The following FAM47E variants were observed in gnomAD, a reference collection of about 807,000 sequenced individuals.
FAM47E encodes the protein protein FAM47E.
A neutral mutation model predicts 41.6 loss-of-function variants in FAM47E; 32 were observed. The ratio of observed to expected loss-of-function variants is 0.77; its 90% CI spans 0.58 to 1.03. The LOEUF (loss-of-function observed/expected upper bound fraction) is 1.03, where lower values mean the gene tolerates loss of function less well. Ranked by LOEUF, FAM47E falls within the 50% of genes least tolerant of loss-of-function variation. The probability of loss-of-function intolerance (pLI) is 0.00; values close to 1 mark genes in which losing one functional copy is unlikely to be tolerated. For synonymous variants in FAM47E, 184 were observed against 188.7 expected (o/e 0.98, Z 0.20); for missense variants, 424 against 485.4 (o/e 0.87, Z 1.19).
chr4:76,222,555 ACT>A (rs1389557400), intron 2 of FAM47E, among the ~76,000 whole-genome samples: 1 of 150,798 alleles, frequency 6.6e-6, no homozygotes, highest in Non-Finnish European at 1.5e-5. Flanking sequence ...TTAGTCCTTA[ACT>A]CTCCGCTGCC....
chr4:76,255,985 A>G (rs1734173164), intron 1 of FAM47E, among the ~76,000 whole-genome samples, 193 bp from the exon 2 acceptor site: 1 of 152,090 alleles, frequency 6.6e-6, no homozygotes, highest in Non-Finnish European at 1.5e-5. Flanking sequence ...CTTTGTACGG[A>G]GCAGCAATTC....
intron 2 of FAM47E, among the ~76,000 whole-genome samples, chr4:76,258,793 T>A (rs900681555): frequency 9.9e-5 from 15 of 152,192 alleles, no homozygotes; most frequent in African/African-American, 3.6e-4. Flanking sequence ...GGGATTAGTG[T>A]GTTTTTGGTT....
intron 5 of FAM47E, among the ~76,000 whole-genome samples, chr4:76,272,338 A>G (rs1734926849): frequency 6.6e-6 from 1 of 152,228 alleles, no homozygotes; most frequent in Non-Finnish European, 1.5e-5. Flanking sequence ...ACAGTGTGTC[A>G]CTGCAAATAT....
chr4:76,248,374 C>T (rs1421207855), upstream of FAM47E, among the ~76,000 whole-genome samples: 1 of 151,882 alleles, frequency 6.6e-6, no homozygotes, highest in Non-Finnish European at 1.5e-5. Flanking sequence ...ATGTTTTATT[C>T]TAAGAAGTTT....
intron 5 of FAM47E, among the ~76,000 whole-genome samples, chr4:76,277,090 C>G (rs1220364500): frequency 6.6e-6 from 1 of 152,112 alleles, no homozygotes; most frequent in African/African-American, 2.4e-5. Flanking sequence ...GTCTATGAAC[C>G]AACAACAGGT....
upstream of FAM47E, among the ~76,000 whole-genome samples, chr4:76,251,509 C>G (rs1578770355): frequency 6.6e-6 from 1 of 152,300 alleles, no homozygotes; most frequent in Non-Finnish European, 1.5e-5. Context: ...GATGAACACG[C>G]CTTCCCAGCA....
intron 2 of FAM47E, among the ~76,000 whole-genome samples, chr4:76,226,860 T>C (rs965668791): frequency 6.6e-6 from 1 of 152,214 alleles, no homozygotes; most frequent in African/African-American, 2.4e-5. Flanking sequence ...TCTGTGATAT[T>C]GGTTGTAATA....
At chr4:76,268,477 G>C (rs577794075) in intron 3 of FAM47E, 183 bp from the exon 4 acceptor site, 1 of 573,428 alleles carries the variant, frequency 1.7e-6, no homozygotes, top group Admixed American at 3.6e-5. Context: ...TGATATACTT[G>C]TCTTTATGAT....
intron 2 of FAM47E, among the ~76,000 whole-genome samples, chr4:76,236,905 T>C (rs1733597063): frequency 6.6e-6 from 1 of 150,560 alleles, no homozygotes; most frequent in African/African-American, 2.4e-5. Context: ...TTCTTTTTTT[T>C]TTTTTTTTGA....
chr4:76,214,262 G>A (rs1408210972), exon 1 of FAM47E: 1 of 455,604 alleles, frequency 2.2e-6, no homozygotes, highest in Non-Finnish European at 4.4e-6. Flanking sequence ...TCTACCAGGT[G>A]CCTGCTGAGA....
chr4:76,233,310 A>G (rs1448297733), intron 2 of FAM47E, among the ~76,000 whole-genome samples: 1 of 152,198 alleles, frequency 6.6e-6, no homozygotes, highest in Non-Finnish European at 1.5e-5. Flanking sequence ...CCAGCAAGTC[A>G]TATTTCTCAA....
intron 7 of FAM47E, chr4:76,280,598 C>T (rs1404133985): frequency 5.8e-6 from 2 of 344,384 alleles, no homozygotes; most frequent in Non-Finnish European, 1.1e-5. Context: ...TTTGACTCAT[C>T]TTCCTTGGAT....
In FAM47E at chr4:76,278,255, G is replaced by GA; in HGVS notation, c.1026+32dup. 4 of 1,481,594 alleles carry GA rather than the reference G, an allele frequency of 2.7e-6. No individual in the cohort carries two copies. The South Asian group carries it at 5.6e-5, about 21-fold the overall frequency. The allele number at this position is 1,481,594 out of a possible 1,614,324, so 91.8% of individuals were successfully genotyped here. ...TATTTATACTGAGATTTGATCATCT[G>GA]AGCTTCAGATGATCACAGTGCATCT... On this transcript the variant is annotated intron_variant, in intron 6 of 7. Transcript: ENST00000424749.
chr4:76,223,513 T>C (rs940448171), intron 2 of FAM47E, among the ~76,000 whole-genome samples: 7 of 152,150 alleles, frequency 4.6e-5, no homozygotes, highest in African/African-American at 1.7e-4. Context: ...ATCACAGTTG[T>C]CTTTATTATC....
upstream of FAM47E, among the ~76,000 whole-genome samples, chr4:76,248,520 G>C (rs1004331429): frequency 1.3e-5 from 2 of 152,070 alleles, no homozygotes; most frequent in African/African-American, 4.8e-5. Flanking sequence ...TGTCCATCTT[G>C]TTCCTAGTAC....
chr4:76,251,881 A>G, intron 1 of FAM47E, 61 bp downstream of exon 1: 1 of 1,358,602 alleles, frequency 7.4e-7, no homozygotes, highest in Non-Finnish European at 9.4e-7. Context: ...GGGCGCCTGG[A>G]GACCCGCGCT....
rs1735450597 is a variant in FAM47E at position 76,283,604 on chromosome 4, A to C, written c.*146A>C. ...ACTTGGCAACATCTGTAAATGTAAT[A>C]CCTGATGGTTATAAGCATTTCTCAA... On this transcript the variant is annotated 3_prime_UTR_variant, in exon 8 of 8. Transcript: ENST00000424749. The C allele has an allele frequency of 5.1e-6, 3 of 583,134 alleles. No homozygotes were observed. Among genetic ancestry groups the C allele is most frequent in the Non-Finnish European group, 9.2e-6 (3 of 324,534 alleles). The allele number at this position is 583,134 out of a possible 1,614,324, so 36.1% of individuals were successfully genotyped here. A position where few individuals can be genotyped will look rare whatever the true frequency, so the allele number is the denominator to read the frequency against.
At chr4:76,252,859 A>C (rs1734030400) in intron 1 of FAM47E, among the ~76,000 whole-genome samples, 1 of 152,200 alleles carries the variant, frequency 6.6e-6, no homozygotes, top group Non-Finnish European at 1.5e-5. Context: ...CCAAACCAGG[A>C]AACGTCATTG....
intron 2 of FAM47E, among the ~76,000 whole-genome samples, chr4:76,261,256 A>G (rs34638846): frequency 0.13 from 19,599 of 152,196 alleles, 1,570 homozygotes; most frequent in East Asian, 0.32. Context: ...TCTGTGGAAA[A>G]CAAGATGGAG....
Sources: gnomAD v4.1 joint callset for allele counts (sites outside exome capture counted in the v4.1 genomes callset) on GRCh38, gnomAD v4.1.1 for gene constraint, MANE v1.5 for transcripts, NCBI Gene and HGNC (gene_info 2026-07-23, HGNC 2026-07-21) for gene names.